TNFRSF8: variants seen among roughly 807,000 people sequenced by gnomAD.
The protein encoded by TNFRSF8 is tumor necrosis factor receptor superfamily member 8.
Under a neutral mutation model 70.8 loss-of-function variants are expected in TNFRSF8, and 26 were observed. That is an observed-to-expected ratio of 0.37 (90% CI 0.27 to 0.51). TNFRSF8 has a LOEUF of 0.51. Among genes scored for constraint, TNFRSF8 ranks in the 20% least tolerant of loss-of-function variants. The pLI is 0.94. For synonymous variants in TNFRSF8, 356 were observed against 339.2 expected (o/e 1.05, Z -0.54); for missense variants, 720 against 807.9 (o/e 0.89, Z 1.32).
At chr1:12,133,069 G>A (rs988171776) in intron 12 of TNFRSF8, among the ~76,000 whole-genome samples, 1 of 152,084 alleles carries the variant, frequency 6.6e-6, no homozygotes, top group Non-Finnish European at 1.5e-5. Context: ...ACATTTGGCT[G>A]GTTTTCAATT....
At chr1:12,120,259 C>T (rs912052894) in intron 8 of TNFRSF8, among the ~76,000 whole-genome samples, 1 of 152,106 alleles carries the variant, frequency 6.6e-6, no homozygotes, top group African/African-American at 2.4e-5. Context: ...TCCATCCTAG[C>T]AGAGCAAGGA....
At chr1:12,099,300 A>C (rs1339089788) in intron 3 of TNFRSF8, among the ~76,000 whole-genome samples, 1 of 152,042 alleles carries the variant, frequency 6.6e-6, no homozygotes, top group Non-Finnish European at 1.5e-5. Flanking sequence ...ATGCACCACC[A>C]CGCCTGGCTA....
At position 12,123,750 on chromosome 1, in the gene TNFRSF8, AG is replaced by A; in HGVS notation, c.1078del (p.Ala360ProfsTer32). 6.3e-7 allele frequency: 1 copy of A among 1,575,300 alleles called. No individual in the cohort carries two copies. On this transcript the variant is annotated frameshift_variant, in exon 10 of 15. Coordinates refer to ENST00000263932, the MANE Select transcript of TNFRSF8 (RefSeq NM_001243.5). LOFTEE classifies it high-confidence loss of function. ...SPTQSLLVDSQASKTLPIPTS... is the reference protein window; with the variant it reads ...SPTQSLLVDSXASKTLPIPTS... ...ACTCAGAGCTTGCTGGTGGACTCCC[AG>A]GCCAGTAAGACGCTGCCCATCCCAA... is the stretch of plus-strand genomic sequence containing the variant.
intron 2 of TNFRSF8, among the ~76,000 whole-genome samples, chr1:12,095,651 T>G (rs180696562): frequency 6.6e-6 from 1 of 152,366 alleles, no homozygotes; most frequent in African/African-American, 2.4e-5. Context: ...TGGATTCCTC[T>G]GCATTCCTGC....
chr1:12,138,960 G>A lies in TNFRSF8; in HGVS notation c.1543+524G>A, dbSNP rs182470257. On this transcript the variant is annotated intron_variant, in intron 14 of 14. Coordinates refer to ENST00000263932, the MANE Select transcript of TNFRSF8 (RefSeq NM_001243.5). The surrounding 1 kb of genome is among the most constrained non-coding windows in gnomAD (Gnocchi z 5.7). ...CCGCATCTGCTGGGCCTTGAAGCCC[G>A]TGGTTTGTCCACGTTACCACCCACC... Among the ~76,000 whole-genome samples, 43 of 152,292 alleles carry A rather than the reference G, an allele frequency of 2.8e-4. No individual in the cohort carries two copies. The highest frequency in any genetic ancestry group is 4.1e-4 in the South Asian group (2 of 4,826).
chr1:12,127,605 A>G (rs555138577), intron 12 of TNFRSF8, among the ~76,000 whole-genome samples: 13 of 152,292 alleles, frequency 8.5e-5, no homozygotes, highest in African/African-American at 3.1e-4. Context: ...GGGCACAAAA[A>G]CACAGTCCAC....
In TNFRSF8 at chr1:12,109,233, C is replaced by T. The variant is rs1641581329; in HGVS notation, c.422-333C>T. Among the ~76,000 whole-genome samples, 1 of 152,196 alleles carries T rather than the reference C, an allele frequency of 6.6e-6. No homozygotes were observed. The highest frequency in any genetic ancestry group is 1.5e-5 in the Non-Finnish European group (1 of 68,036). On this transcript the variant is annotated intron_variant, in intron 4 of 14. Coordinates refer to ENST00000263932, the MANE Select transcript of TNFRSF8 (RefSeq NM_001243.5). The surrounding 1 kb of genome is among the most constrained non-coding windows in gnomAD (Gnocchi z 4.4). The stretch of plus-strand genomic sequence containing the variant: ...TAAATTCTACCTCACAGGCTTGGGT[C>T]ACATGTCCGTCCCTGAACTGGCTCA...
At chr1:12,076,103 C>CG (rs1640959546) in intron 1 of TNFRSF8, among the ~76,000 whole-genome samples, 1 of 96,396 alleles carries the variant, frequency 1.0e-5, no homozygotes, top group East Asian at 2.3e-4. Flanking sequence ...TTTTCTTTTT[C>CG]TTTTTTTTTT....
intron 2 of TNFRSF8, among the ~76,000 whole-genome samples, chr1:12,093,475 T>C (rs1313944255): frequency 1.3e-5 from 2 of 152,012 alleles, no homozygotes; most frequent in South Asian, 2.1e-4. Context: ...TAATGAAATA[T>C]GTGTGAGGCC....
intron 1 of TNFRSF8, among the ~76,000 whole-genome samples, chr1:12,082,007 A>C (rs201279833): frequency 1.1e-4 from 12 of 110,198 alleles, no homozygotes; most frequent in African/African-American, 3.3e-4. Flanking sequence ...CTCTTGCCTC[A>C]CTTCCTGCTT....
In TNFRSF8 at chr1:12,112,183, C is replaced by T. The variant is rs1311021438; in HGVS notation, c.793+169C>T. ...CCTTCCAGGAAGCGTTTGTGAATCA[C>T]CCACCTGTTCCAAACTCGGCTCATC... On this transcript the variant is annotated intron_variant, in intron 7 of 14. Coordinates refer to ENST00000263932, the MANE Select transcript of TNFRSF8 (RefSeq NM_001243.5). This position sits in a 1 kb window ranked among gnomAD's most constrained non-coding sequence, Gnocchi z 5.3. Among the ~76,000 whole-genome samples the T allele has an allele frequency of 6.6e-6, 1 of 152,168 alleles. No homozygotes were observed. The highest frequency in any genetic ancestry group is 1.9e-4 in the East Asian group (1 of 5,180).
At chr1:12,122,498 T>C (rs1641848110) in intron 8 of TNFRSF8, among the ~76,000 whole-genome samples, 1 of 151,612 alleles carries the variant, frequency 6.6e-6, no homozygotes, top group Admixed American at 6.6e-5. Context: ...AATACAAAAA[T>C]TAGCTGGGCA....
chr1:12,123,898 GC>G (rs937212780), intron 10 of TNFRSF8, 71 bp downstream of exon 10: 9 of 1,342,566 alleles, frequency 6.7e-6, no homozygotes, highest in Non-Finnish European at 9.3e-6. Context: ...GATTGGGGGA[GC>G]CAGGAGGGAG....
rs980031748 is a variant in TNFRSF8 at position 12,138,067 on chromosome 1, C to T, written c.1336-162C>T. Among the ~76,000 whole-genome samples, 1 of 152,028 alleles carries T rather than the reference C, an allele frequency of 6.6e-6. No homozygotes were observed. The highest frequency in any genetic ancestry group is 2.4e-5 in the African/African-American group (1 of 41,390). On this transcript the variant is annotated intron_variant, in intron 13 of 14. Transcript: ENST00000263932. This position sits in a 1 kb window ranked among gnomAD's most constrained non-coding sequence, Gnocchi z 5.7. Reference sequence around the variant, plus strand: ...TACAAATTAAAAGCAACAGACTTCACCCAGAAAGCTGAGAAGCCCGGGGCA... The same window carrying T: ...TACAAATTAAAAGCAACAGACTTCATCCAGAAAGCTGAGAAGCCCGGGGCA...
intron 8 of TNFRSF8, 107 bp downstream of exon 8, chr1:12,115,836 T>TCG: frequency 7.9e-7 from 1 of 1,266,928 alleles, no homozygotes; most frequent in Non-Finnish European, 1.1e-6. Context: ...ACCTACACCC[T>TCG]CGGCTGTTCA....
chr1:12,126,697 G>T (rs913094971), intron 12 of TNFRSF8, among the ~76,000 whole-genome samples: 3 of 152,172 alleles, frequency 2.0e-5, no homozygotes, highest in Non-Finnish European at 4.4e-5. Context: ...AGCACATGGG[G>T]CAAGAGGGAC....
In TNFRSF8 at chr1:12,110,321, A is replaced by C; in HGVS notation, c.676+117A>C. On this transcript the variant is annotated intron_variant, in intron 6 of 14. Transcript: ENST00000263932. The surrounding 1 kb of genome is among the most constrained non-coding windows in gnomAD (Gnocchi z 4.0). Reference sequence around the variant, plus strand: ...GATCTGTGGTCTTTTCCTGGTGGGGAGAGAAGACGGTGGTAAGGTATGATC... The same window carrying C: ...GATCTGTGGTCTTTTCCTGGTGGGGCGAGAAGACGGTGGTAAGGTATGATC... 9.1e-7 allele frequency: 1 copy of C among 1,095,174 alleles called. No individual in the cohort carries two copies. Among genetic ancestry groups the C allele is most frequent in the Non-Finnish European group, 1.3e-6 (1 of 792,036 alleles). 67.8% of individuals were successfully genotyped at this position (1,095,174 alleles called of 1,614,324 possible).
intron 2 of TNFRSF8, among the ~76,000 whole-genome samples, chr1:12,094,587 G>A (rs895638399): frequency 2.7e-5 from 4 of 146,512 alleles, no homozygotes; most frequent in Non-Finnish European, 4.5e-5. Flanking sequence ...AAGTGTCTGA[G>A]TTAAAGAGTG....
At chr1:12,069,995 G>A (rs1415452168) in intron 1 of TNFRSF8, among the ~76,000 whole-genome samples, 1 of 152,190 alleles carries the variant, frequency 6.6e-6, no homozygotes, top group Non-Finnish European at 1.5e-5. Flanking sequence ...GAAGGAGGCC[G>A]GGGTGGCTGG....
Sources: allele counts gnomAD v4.1 joint callset (sites outside exome capture counted in the v4.1 genomes callset), GRCh38; gene constraint gnomAD v4.1.1; non-coding constraint Gnocchi (gnomAD v3.1); transcripts MANE v1.5; gene names NCBI Gene and HGNC (gene_info 2026-07-23, HGNC 2026-07-21).